The following SNTG1 variants were observed in gnomAD, a reference collection of about 807,000 sequenced individuals.
SNTG1 encodes the protein gamma-1-syntrophin.
A neutral mutation model predicts 74.7 loss-of-function variants in SNTG1; 39 were observed. The ratio of observed to expected loss-of-function variants is 0.52; its 90% CI spans 0.40 to 0.68. The LOEUF (loss-of-function observed/expected upper bound fraction) is 0.68, where lower values mean the gene tolerates loss of function less well. Ranked by LOEUF, SNTG1 falls within the 30% of genes least tolerant of loss-of-function variation. The pLI is 0.00. For missense variants in SNTG1, 685 were observed against 609.5 expected (o/e 1.12, Z -1.30); for synonymous variants, 254 against 217.1 (o/e 1.17, Z -1.49).
chr8:50,723,067 A>C (rs896919495), intron 17 of SNTG1, among the ~76,000 whole-genome samples: 3 of 152,154 alleles, frequency 2.0e-5, no homozygotes, highest in African/African-American at 7.2e-5. Flanking sequence ...TCTTTTATGA[A>C]AATATCCTCA....
chr8:50,666,381 C>T (rs2095250875), intron 15 of SNTG1, among the ~76,000 whole-genome samples: 1 of 152,086 alleles, frequency 6.6e-6, no homozygotes, highest in African/African-American at 2.4e-5. Context: ...AAGGACTAGA[C>T]CACATCAGAG....
chr8:50,538,578 C>T (rs1024182238), intron 11 of SNTG1, among the ~76,000 whole-genome samples: 2 of 152,088 alleles, frequency 1.3e-5, no homozygotes, highest in Non-Finnish European at 2.9e-5. Flanking sequence ...TATGTTCTTT[C>T]CCTCTGTCTG....
rs1188133554 is a variant in SNTG1, at chr8:50,688,553, G to C, written c.1039-16047G>C. 2.0e-5 allele frequency among the ~76,000 whole-genome samples: 3 copies of C among 152,158 alleles called. 1 individual carries two copies. Among genetic ancestry groups the C allele is most frequent in the African/African-American group, 4.8e-5 (2 of 41,448 alleles). On this transcript the variant is annotated intron_variant, in intron 15 of 18. Coordinates refer to ENST00000642720, the MANE Select transcript of SNTG1 (RefSeq NM_018967.5). ...GCTTGTTTTTGTCAGGTTTGTCAAA[G>C]ATCAGATAATTGTAGATATGCGGCA...
intron 12 of SNTG1, among the ~76,000 whole-genome samples, chr8:50,588,195 A>T (rs1034168773): frequency 1.3e-5 from 2 of 152,124 alleles, no homozygotes; most frequent in Non-Finnish European, 2.9e-5. Context: ...TTAAAATGTT[A>T]GTATAAGTAC....
intron 1 of SNTG1, among the ~76,000 whole-genome samples, chr8:49,921,978 C>T (rs1466505739): frequency 2.6e-5 from 4 of 151,916 alleles, no homozygotes; most frequent in African/African-American, 9.7e-5. Flanking sequence ...TTTTATCATC[C>T]TATTATATTC....
intron 12 of SNTG1, among the ~76,000 whole-genome samples, chr8:50,572,955 C>T (rs1285756096): frequency 6.6e-6 from 1 of 151,842 alleles, no homozygotes; most frequent in Admixed American, 6.6e-5. Context: ...GAAAATATAC[C>T]CTGTTAAACA....
At chr8:49,937,731 G>T (rs966776387) in intron 1 of SNTG1, among the ~76,000 whole-genome samples, 4 of 152,126 alleles carry the variant, frequency 2.6e-5, no homozygotes, top group African/African-American at 7.2e-5. Flanking sequence ...GGTAAAAAGG[G>T]TCATGTGAAA....
intron 18 of SNTG1, among the ~76,000 whole-genome samples, chr8:50,773,952 T>C (rs1387122684): frequency 6.6e-6 from 1 of 152,046 alleles, no homozygotes; most frequent in East Asian, 1.9e-4. Flanking sequence ...AAAGTACAAT[T>C]ACTGAAATTT....
intron 15 of SNTG1, among the ~76,000 whole-genome samples, chr8:50,703,643 T>C (rs1052591059): frequency 1.3e-5 from 2 of 152,164 alleles, no homozygotes; most frequent in African/African-American, 4.8e-5. Flanking sequence ...ACATATTCTT[T>C]CTTATCATCA....
At chr8:50,129,250 T>C (rs924962249) in intron 1 of SNTG1, among the ~76,000 whole-genome samples, 2 of 152,102 alleles carry the variant, frequency 1.3e-5, no homozygotes, top group African/African-American at 4.8e-5. Context: ...GCACACACGC[T>C]GCCCGATCAT....
At chr8:50,372,326 T>C (rs2092288757) in intron 2 of SNTG1, among the ~76,000 whole-genome samples, 1 of 151,850 alleles carries the variant, frequency 6.6e-6, no homozygotes, top group Non-Finnish European at 1.5e-5. Context: ...TAAAATATCT[T>C]ATATAATATA....
At chr8:50,119,821 C>A (rs1563623088) in intron 1 of SNTG1, among the ~76,000 whole-genome samples, 1 of 141,274 alleles carries the variant, frequency 7.1e-6, no homozygotes, top group Non-Finnish European at 1.6e-5. Context: ...AATTTAGGAG[C>A]CAGAATTAAT....
intron 2 of SNTG1, among the ~76,000 whole-genome samples, chr8:50,191,400 T>A (rs937846694): frequency 9.2e-5 from 14 of 152,154 alleles, no homozygotes; most frequent in Admixed American, 2.0e-4. Context: ...TAGGATGCTC[T>A]AATATGCCAG....
chr8:50,237,123 C>A (rs577421022), intron 2 of SNTG1, among the ~76,000 whole-genome samples: 2 of 152,176 alleles, frequency 1.3e-5, no homozygotes, highest in Non-Finnish European at 2.9e-5. Context: ...TTTTTTTCCT[C>A]ACTCTATTTT....
At chr8:50,159,729 T>G (rs2082358257) in intron 1 of SNTG1, among the ~76,000 whole-genome samples, 1 of 152,194 alleles carries the variant, frequency 6.6e-6, no homozygotes, top group Non-Finnish European at 1.5e-5. Flanking sequence ...CTCAGCAATT[T>G]TATTCAGTAC....
chr8:50,202,468 C>T (rs7016161), intron 2 of SNTG1, among the ~76,000 whole-genome samples: 46,397 of 151,844 alleles, frequency 0.31, 7,207 homozygotes, highest in South Asian at 0.42. Flanking sequence ...CTTTTTCCAC[C>T]GATTCTTTCA....
At chr8:50,731,942 G>A (rs145878572) in intron 17 of SNTG1, among the ~76,000 whole-genome samples, 3 of 151,922 alleles carry the variant, frequency 2.0e-5, no homozygotes, top group East Asian at 3.9e-4. Flanking sequence ...ATTTGCCTAC[G>A]TTCTTGTCTC....
At chr8:50,004,931 C>A (rs948367703) in intron 1 of SNTG1, among the ~76,000 whole-genome samples, 2 of 152,164 alleles carry the variant, frequency 1.3e-5, no homozygotes, top group Admixed American at 1.3e-4. Flanking sequence ...TATTGCACTG[C>A]TGAATTAAAC....
At chr8:50,207,771 G>A (rs939998991) in intron 2 of SNTG1, among the ~76,000 whole-genome samples, 3 of 152,080 alleles carry the variant, frequency 2.0e-5, no homozygotes, top group Admixed American at 6.5e-5. Flanking sequence ...TTGTGTCTTT[G>A]TTCTCATTGG....
Sources: gnomAD v4.1 joint callset for allele counts (sites outside exome capture counted in the v4.1 genomes callset) on GRCh38, gnomAD v4.1.1 for gene constraint, MANE v1.5 for transcripts, NCBI Gene and HGNC (gene_info 2026-07-23, HGNC 2026-07-21) for gene names.